Variants in FRMD5 observed in about 807,000 individuals in gnomAD.
FRMD5 encodes the protein FERM domain-containing protein 5.
Under a neutral mutation model 69.0 loss-of-function variants are expected in FRMD5, and 20 were observed. The ratio of observed to expected loss-of-function variants is 0.29; its 90% CI spans 0.20 to 0.42. FRMD5 has a LOEUF of 0.42. FRMD5 is among the 10% of genes least tolerant of loss of function. The probability of loss-of-function intolerance (pLI) is 1.00; values close to 1 mark genes in which losing one functional copy is unlikely to be tolerated. For synonymous variants in FRMD5, 271 were observed against 260.1 expected (o/e 1.04, Z -0.40); for missense variants, 595 against 708.6 (o/e 0.84, Z 1.82).
chr15:43,871,516 C>T lies in FRMD5; in HGVS notation c.*2369G>A, dbSNP rs929028724. ...TAAGACAGTAGATACCAGGTGGACA[C>T]CAGCCCCCTGTCTCCTGACAGCCTT... On this transcript the variant is annotated 3_prime_UTR_variant, in exon 14 of 14. Transcript: ENST00000417257. 6.6e-6 allele frequency: 1 copy of T among 152,206 alleles called. No individual in the cohort carries two copies. Among genetic ancestry groups the T allele is most frequent in the African/African-American group, 2.4e-5 (1 of 41,446 alleles). The allele number at this position is 152,206 out of a possible 1,614,324, so 9.4% of individuals were successfully genotyped here. A position where few individuals can be genotyped will look rare whatever the true frequency, so the allele number is the denominator to read the frequency against.
intron 1 of FRMD5, among the ~76,000 whole-genome samples, chr15:44,148,340 A>C (rs139421334): frequency 0.015 from 2,273 of 151,470 alleles, 57 homozygotes; most frequent in African/African-American, 0.052. Context: ...GGCGCAATCT[A>C]GGCTCACTGC....
chr15:43,916,569 A>G (rs1165170558), intron 4 of FRMD5, among the ~76,000 whole-genome samples: 1 of 152,196 alleles, frequency 6.6e-6, no homozygotes, highest in Admixed American at 6.5e-5. Context: ...CGACAATTCT[A>G]TGAGGTAGAT....
chr15:44,143,651 C>T (rs1025950844), intron 1 of FRMD5, among the ~76,000 whole-genome samples: 4 of 150,796 alleles, frequency 2.7e-5, no homozygotes, highest in African/African-American at 9.8e-5. Flanking sequence ...TTCGGCTGGG[C>T]GCGATGGCTC....
chr15:44,147,324 G>T (rs1674452045), intron 1 of FRMD5, among the ~76,000 whole-genome samples: 1 of 152,072 alleles, frequency 6.6e-6, no homozygotes, highest in African/African-American at 2.4e-5. Context: ...TTATTTCTGA[G>T]ATCTCTATTC....
intron 1 of FRMD5, among the ~76,000 whole-genome samples, chr15:43,940,904 T>C (rs917097785): frequency 6.6e-6 from 1 of 152,226 alleles, no homozygotes; most frequent in Non-Finnish European, 1.5e-5. Flanking sequence ...TTTTCAGGGC[T>C]CTGACTACTG....
intron 1 of FRMD5, among the ~76,000 whole-genome samples, chr15:44,191,934 A>ATCTATC (rs2078203266): frequency 1.8e-5 from 2 of 108,958 alleles, no homozygotes; most frequent in African/African-American, 6.9e-5. Flanking sequence ...ATATATATAT[A>ATCTATC]TATATATGTA....
chr15:44,042,180 A>T (rs975689010), intron 1 of FRMD5, among the ~76,000 whole-genome samples: 2 of 152,250 alleles, frequency 1.3e-5, no homozygotes, highest in African/African-American at 4.8e-5. Flanking sequence ...TAGAAAATCT[A>T]GAAGAAATGG....
At chr15:43,987,803 G>A (rs1889470215) in intron 1 of FRMD5, among the ~76,000 whole-genome samples, 4 of 152,116 alleles carry the variant, frequency 2.6e-5, no homozygotes, top group Admixed American at 6.5e-5. Flanking sequence ...CACCTGCCTC[G>A]GCCTCCCAAC....
intron 11 of FRMD5, among the ~76,000 whole-genome samples, chr15:43,885,257 C>G (rs181793132): frequency 7.2e-5 from 11 of 152,130 alleles, no homozygotes; most frequent in South Asian, 2.1e-4. Flanking sequence ...ACTGCAGCCT[C>G]GACCTCCTGA....
chr15:43,940,132 G>C (rs1566848700), intron 1 of FRMD5, among the ~76,000 whole-genome samples: 2 of 152,144 alleles, frequency 1.3e-5, no homozygotes. Flanking sequence ...AACCCAGATG[G>C]AGCCACTGCA....
intron 1 of FRMD5, among the ~76,000 whole-genome samples, chr15:44,134,011 T>A (rs1439542107): frequency 6.6e-6 from 1 of 152,118 alleles, no homozygotes; most frequent in Non-Finnish European, 1.5e-5. Context: ...TAAGCCAATA[T>A]GGATGGTCAA....
At chr15:43,999,843 AATATCT>A (rs1323042253) in intron 1 of FRMD5, among the ~76,000 whole-genome samples, 6 of 109,038 alleles carry the variant, frequency 5.5e-5, no homozygotes, top group African/African-American at 1.8e-4. Context: ...TATACAATGG[AATATCT>A]ATATCACAGA....
intron 1 of FRMD5, among the ~76,000 whole-genome samples, chr15:43,973,995 C>T (rs2140590811): frequency 6.6e-6 from 1 of 151,514 alleles, no homozygotes; most frequent in Middle Eastern, 3.4e-3. Context: ...TGTTAGGATC[C>T]CATTGAACAT....
intron 6 of FRMD5, among the ~76,000 whole-genome samples, chr15:43,904,046 A>G (rs1354928110): frequency 1.3e-5 from 2 of 152,200 alleles, no homozygotes; most frequent in African/African-American, 2.4e-5. Context: ...AGGGGCGGGA[A>G]GCATCTAAGA....
chr15:44,039,857 C>T lies in FRMD5; in HGVS notation c.103-115548G>A, dbSNP rs539470625. 3.9e-5 allele frequency among the ~76,000 whole-genome samples: 6 copies of T among 151,970 alleles called. No homozygotes were observed. In the East Asian group the frequency reaches 9.7e-4, roughly 25 times the overall value. ...AACTGACAGAAGAGGCTTCAGAAGG[C>T]GGGTAATAACAAACTCCTCTGAACT... On this transcript the variant is annotated intron_variant, in intron 1 of 13. Coordinates refer to ENST00000417257, the MANE Select transcript of FRMD5 (RefSeq NM_032892.5).
intron 1 of FRMD5, among the ~76,000 whole-genome samples, chr15:44,182,411 C>A (rs2078020824): frequency 6.6e-6 from 1 of 150,992 alleles, no homozygotes; most frequent in Non-Finnish European, 1.5e-5. Context: ...CTCACTGCAA[C>A]CCCCACCTCA....
At chr15:44,139,252 TAAC>T (rs1478192490) in intron 1 of FRMD5, among the ~76,000 whole-genome samples, 3 of 150,890 alleles carry the variant, frequency 2.0e-5, no homozygotes, top group Admixed American at 1.3e-4. Flanking sequence ...AACTTAGAAA[TAAC>T]AATTACAAGA....
chr15:43,964,522 G>C (rs1423943446), intron 1 of FRMD5, among the ~76,000 whole-genome samples: 9 of 149,600 alleles, frequency 6.0e-5, no homozygotes, highest in Non-Finnish European at 1.3e-4. Context: ...CAAAAGAAAA[G>C]AAAAAGAAAA....
chr15:43,915,861 T>G (rs1343711280), intron 4 of FRMD5, among the ~76,000 whole-genome samples: 1 of 152,142 alleles, frequency 6.6e-6, no homozygotes, highest in African/African-American at 2.4e-5. Flanking sequence ...CTAAATTAGT[T>G]TGGCAGCAAG....
Sources: allele counts gnomAD v4.1 joint callset (sites outside exome capture counted in the v4.1 genomes callset), GRCh38; gene constraint gnomAD v4.1.1; transcripts MANE v1.5; gene names NCBI Gene and HGNC (gene_info 2026-07-23, HGNC 2026-07-21).